RBFOX1: variants seen among roughly 807,000 people sequenced by gnomAD.
The protein encoded by RBFOX1 is RNA binding fox-1 homolog 1, also known as RNA binding protein fox-1 homolog 1.
A neutral mutation model predicts 57.7 loss-of-function variants in RBFOX1; 8 were observed. The ratio of observed to expected loss-of-function variants is 0.14; its 90% confidence interval spans 0.08 to 0.25. The LOEUF (loss-of-function observed/expected upper bound fraction) is 0.25, where lower values mean the gene tolerates loss of function less well. Among genes scored for constraint, RBFOX1 ranks in the 10% least tolerant of loss-of-function variants. The pLI, the probability that RBFOX1 is intolerant of heterozygous loss-of-function variation, is 1.00. For synonymous variants in RBFOX1, 326 were observed against 222.4 expected (o/e 1.47, Z -4.15); for missense variants, 611 against 548.5 (o/e 1.11, Z -1.14).
intron 2 of RBFOX1, among the ~76,000 whole-genome samples, chr16:6,384,060 CTT>C (rs5815305): frequency 0.13 from 16,791 of 126,636 alleles, 1,149 homozygotes; most frequent in African/African-American, 0.23. Flanking sequence ...ATTGGTTTTG[CTT>C]TTTTTTTTTT....
intron 1 of RBFOX1, among the ~76,000 whole-genome samples, chr16:5,344,412 C>T (rs368888825): frequency 6.6e-6 from 1 of 152,186 alleles, no homozygotes; most frequent in African/African-American, 2.4e-5. Flanking sequence ...AATCCCTTCT[C>T]AGGGTAAAAT....
At chr16:6,008,363 A>G (rs1300049929) in intron 4 of RBFOX1, among the ~76,000 whole-genome samples, 1 of 152,068 alleles carries the variant, frequency 6.6e-6, no homozygotes, top group Non-Finnish European at 1.5e-5. Flanking sequence ...TGATGAAGAA[A>G]TAGCAGCTGG....
At chr16:7,037,828 C>G (rs540282328) in intron 3 of RBFOX1, among the ~76,000 whole-genome samples, 8 of 152,276 alleles carry the variant, frequency 5.3e-5, no homozygotes, top group Admixed American at 5.2e-4. Context: ...AGATGCCTCT[C>G]AAATGTCTCT....
intron 1 of RBFOX1, among the ~76,000 whole-genome samples, chr16:6,156,054 C>T (rs868267714): frequency 2.3e-4 from 35 of 152,112 alleles, no homozygotes; most frequent in African/African-American, 8.5e-4. Flanking sequence ...AGGAGATCTG[C>T]CTGAAGCCAC....
intron 1 of RBFOX1, among the ~76,000 whole-genome samples, chr16:5,260,034 C>G (rs190957363): frequency 1.4e-4 from 21 of 152,236 alleles, no homozygotes; most frequent in Non-Finnish European, 2.8e-4. Context: ...AACCTTGTCT[C>G]TACTAAAAAT....
intron 3 of RBFOX1, among the ~76,000 whole-genome samples, chr16:6,773,535 TG>T (rs569493954): frequency 2.4e-5 from 3 of 126,496 alleles, no homozygotes; most frequent in South Asian, 2.7e-4. Flanking sequence ...GCATTTGTGT[TG>T]GGGGGCATAG....
intron 4 of RBFOX1, among the ~76,000 whole-genome samples, chr16:5,965,295 A>C (rs534085943): frequency 6.6e-6 from 1 of 152,234 alleles, no homozygotes; most frequent in African/African-American, 2.4e-5. Flanking sequence ...GTAGACCTCA[A>C]ATGTTCTTAC....
intron 4 of RBFOX1, among the ~76,000 whole-genome samples, chr16:7,404,960 C>G (rs534308059): frequency 4.5e-4 from 69 of 152,208 alleles, no homozygotes; most frequent in African/African-American, 1.7e-3. Flanking sequence ...TGTCTACTCC[C>G]TCTAGTAGAG....
chr16:7,444,473 C>T (rs1205730821), intron 4 of RBFOX1, among the ~76,000 whole-genome samples: 2 of 152,098 alleles, frequency 1.3e-5, no homozygotes, highest in Non-Finnish European at 1.5e-5. Context: ...AAAGCAAAGG[C>T]AGCTTTATAA....
At chr16:5,893,406 C>G (rs570962017) in intron 4 of RBFOX1, among the ~76,000 whole-genome samples, 2 of 152,208 alleles carry the variant, frequency 1.3e-5, no homozygotes, top group Non-Finnish European at 2.9e-5. Flanking sequence ...TTCAAAATAA[C>G]TAAAAGAGTC....
chr16:7,282,018 A>G (rs1458640968), intron 4 of RBFOX1, among the ~76,000 whole-genome samples: 1 of 150,498 alleles, frequency 6.6e-6, no homozygotes, highest in Non-Finnish European at 1.5e-5. Context: ...GGCGCGTGCC[A>G]TCACGCCTGG....
intron 2 of RBFOX1, among the ~76,000 whole-genome samples, chr16:6,385,939 CTTT>C (rs763480257): frequency 4.2e-5 from 3 of 71,376 alleles, no homozygotes; most frequent in East Asian, 1.0e-3. Flanking sequence ...TTTTTTCTTT[CTTT>C]TTTTTTTTTT....
chr16:5,371,614 G>T (rs1330878775), intron 1 of RBFOX1, among the ~76,000 whole-genome samples: 3 of 152,240 alleles, frequency 2.0e-5, no homozygotes, highest in Non-Finnish European at 2.9e-5. Flanking sequence ...TCTAGGAGGT[G>T]TGAGCCGGTG....
chr16:5,817,538 C>A (rs1251961221), intron 3 of RBFOX1, among the ~76,000 whole-genome samples: 1 of 151,974 alleles, frequency 6.6e-6, no homozygotes, highest in Non-Finnish European at 1.5e-5. Flanking sequence ...AGGAGAAAGT[C>A]TGACTAATGT....
intron 4 of RBFOX1, among the ~76,000 whole-genome samples, chr16:7,381,496 T>TC (rs66596071): frequency 7.9e-4 from 120 of 151,026 alleles, no homozygotes; most frequent in Non-Finnish European, 1.5e-3. Context: ...CATACATCGT[T>TC]CCCCCCCGCC....
intron 2 of RBFOX1, among the ~76,000 whole-genome samples, chr16:6,464,608 A>G (rs2092526540): frequency 6.6e-6 from 1 of 152,224 alleles, no homozygotes; most frequent in African/African-American, 2.4e-5. Context: ...TTTAAATGAA[A>G]AGAAAACAGC....
In RBFOX1 at chr16:5,763,186, G is replaced by A. The variant is rs554487539; in HGVS notation, c.319-104117G>A. ...TTAGAAGTCCATCGTGATTTGGGCAGCCTTCCTTCCCCGCTGTTGGCACTT... is the reference window on the plus strand; with the variant it reads ...TTAGAAGTCCATCGTGATTTGGGCAACCTTCCTTCCCCGCTGTTGGCACTT... On this transcript the variant is annotated intron_variant, in intron 3 of 19. Transcript: ENST00000641259. Among the ~76,000 whole-genome samples, 6 of 152,326 alleles carry A rather than the reference G, an allele frequency of 3.9e-5. No homozygotes were observed. In the East Asian group the frequency reaches 9.7e-4, roughly 25 times the overall value.
intron 9 of RBFOX1, among the ~76,000 whole-genome samples, chr16:7,598,557 C>G (rs180949013): frequency 7.0e-4 from 107 of 152,026 alleles, no homozygotes; most frequent in African/African-American, 2.4e-3. Flanking sequence ...TTAAATAACC[C>G]CATTGCCACC....
chr16:5,942,873 G>A (rs185030178), intron 4 of RBFOX1, among the ~76,000 whole-genome samples: 47 of 152,288 alleles, frequency 3.1e-4, no homozygotes, highest in African/African-American at 1.1e-3. Flanking sequence ...CTGATCCTTT[G>A]CATTGTGGTT....
Sources: gnomAD v4.1 joint callset for allele counts (sites outside exome capture counted in the v4.1 genomes callset) on GRCh38, gnomAD v4.1.1 for gene constraint, MANE v1.5 for transcripts, NCBI Gene and HGNC (gene_info 2026-07-23, HGNC 2026-07-21) for gene names.